Variants in E2F5 observed in about 807,000 individuals in gnomAD.
The protein encoded by E2F5 is transcription factor E2F5.
In E2F5, 23 loss-of-function variants were observed where a neutral mutation model predicts 39.1. The observed-to-expected ratio is 0.59, with a 90% CI of 0.42 to 0.83. The LOEUF (loss-of-function observed/expected upper bound fraction) is 0.83. E2F5 is among the 40% of genes least tolerant of loss of function. E2F5 has a pLI of 0.00. For missense variants in E2F5, 365 were observed against 406.7 expected (o/e 0.90, Z 0.88); for synonymous variants, 145 against 157.8 (o/e 0.92, Z 0.61).
intron 4 of E2F5, 60 bp from the exon 5 acceptor site, chr8:85,207,365 G>C: frequency 7.1e-7 from 1 of 1,410,256 alleles, no homozygotes; most frequent in Non-Finnish European, 9.7e-7. Flanking sequence ...CCACATTCTT[G>C]CCACTGTATT....
chr8:85,206,387 A>G (rs1314183967), intron 4 of E2F5, among the ~76,000 whole-genome samples, 167 bp downstream of exon 4: 1 of 152,146 alleles, frequency 6.6e-6, no homozygotes, highest in Admixed American at 6.5e-5. Context: ...TTCTGTTTTC[A>G]TGAGAATAGC....
chr8:85,202,330 T>A (rs1812714856), intron 2 of E2F5, 74 bp downstream of exon 2: 1 of 1,076,810 alleles, frequency 9.3e-7, no homozygotes, highest in African/African-American at 1.6e-5. Context: ...ACCTTCCCAA[T>A]GTTTCTATCT....
Position 85,213,951 on chromosome 8 carries a change from T to C in E2F5, c.*89T>C. On this transcript the variant is annotated 3_prime_UTR_variant, in exon 8 of 8. Transcript: ENST00000416274. The stretch of plus-strand genomic sequence containing the variant: ...ACCTAAATATTTAAAATAATGAATG[T>C]AACACCTTTTTTAGTTCACTGATTC... The C allele has an allele frequency of 1.3e-6, 1 of 750,162 alleles. No homozygotes were observed. Among genetic ancestry groups the C allele is most frequent in the Non-Finnish European group, 2.2e-6 (1 of 451,454 alleles). The allele number at this position is 750,162 out of a possible 1,614,324, so 46.5% of individuals were successfully genotyped here.
intron 1 of E2F5, among the ~76,000 whole-genome samples, chr8:85,180,506 CTATACATATATATATATATATA>C (rs1488024454): frequency 1.8e-4 from 11 of 62,474 alleles, no homozygotes; most frequent in Non-Finnish European, 2.6e-4. Flanking sequence ...GTTAAAGAAA[CTATACATATATATATATATATA>C]TATATATATA....
chr8:85,193,087 AAAAT>A (rs1812500024), intron 1 of E2F5, among the ~76,000 whole-genome samples: 1 of 152,244 alleles, frequency 6.6e-6, no homozygotes. Flanking sequence ...ATACATACAT[AAAAT>A]AAATGTTGGG....
intron 4 of E2F5, among the ~76,000 whole-genome samples, 166 bp from the exon 5 acceptor site, chr8:85,207,259 A>G (rs894496108): frequency 2.0e-5 from 3 of 152,216 alleles, no homozygotes; most frequent in Non-Finnish European, 2.9e-5. Context: ...AAATAAATCT[A>G]TGCAGTAGGT....
At chr8:85,211,486 T>G (rs4150969) in intron 6 of E2F5, among the ~76,000 whole-genome samples, 4 of 151,884 alleles carry the variant, frequency 2.6e-5, no homozygotes, top group Admixed American at 1.3e-4. Context: ...TGAGAAACAC[T>G]GTAGGCAAAA....
At chr8:85,192,445 A>G (rs1812485192) in intron 1 of E2F5, among the ~76,000 whole-genome samples, 1 of 152,196 alleles carries the variant, frequency 6.6e-6, no homozygotes, top group Non-Finnish European at 1.5e-5. Context: ...AAAGAGGAAC[A>G]AGAATGGAAC....
intron 1 of E2F5, among the ~76,000 whole-genome samples, chr8:85,197,523 A>G (rs1467393064): frequency 1.3e-5 from 2 of 152,172 alleles, no homozygotes; most frequent in African/African-American, 2.4e-5. Flanking sequence ...AGCATTGCAG[A>G]CTTTAATTTT....
chr8:85,212,050 A>T, intron 6 of E2F5, 107 bp from the exon 7 acceptor site: 1 of 829,182 alleles, frequency 1.2e-6, no homozygotes, highest in Non-Finnish European at 2.0e-6. Context: ...CTAGTACTTT[A>T]AATAAATGTG....
chr8:85,213,542 T>TAAA lies in E2F5; in HGVS notation c.932-194_932-192dup, dbSNP rs536955367. ...TGGACGAAACAGGGAGACTCCATCT[T>TAAA]AAAAAAAAAAAAAAAAAAAGAAAAA... is the stretch of plus-strand genomic sequence containing the variant. On this transcript the variant is annotated intron_variant, in intron 7 of 7. Transcript: ENST00000416274. The TAAA allele has an allele frequency of 5.0e-3, 605 of 121,150 alleles. 3 individuals are homozygous for TAAA. The highest frequency in any genetic ancestry group is 0.012 in the South Asian group (109 of 9,220). 7.5% of individuals were successfully genotyped at this position (121,150 alleles called of 1,614,324 possible).
rs1443029313 is a variant in E2F5 at position 85,214,251 on chromosome 8, G to A, written c.*389G>A. 5.4e-6 allele frequency: 3 copies of A among 553,876 alleles called. No individual in the cohort carries two copies. The highest frequency in any genetic ancestry group is 3.7e-5 in the African/African-American group (2 of 53,548). 34.3% of individuals were successfully genotyped at this position (553,876 alleles called of 1,614,324 possible). On this transcript the variant is annotated 3_prime_UTR_variant, in exon 8 of 8. Transcript: ENST00000416274. ...TATTTTTACTGCCACTAAACTGCCTGTATTTCTGTATGTCCTTCTATCCAA... is the reference window on the plus strand; with the variant it reads ...TATTTTTACTGCCACTAAACTGCCTATATTTCTGTATGTCCTTCTATCCAA...
Position 85,177,420 on chromosome 8 carries a change from G to A in E2F5, c.-1G>A, listed in dbSNP as rs1328174500. ...CCCGACCACCGCGGGGCCGGGACGC[G>A]ATGGCGGCGGCAGAGCCCGCGAGCT... On this transcript the variant is annotated 5_prime_UTR_variant, in exon 1 of 8. Transcript: ENST00000416274. 1.0e-5 allele frequency: 10 copies of A among 988,838 alleles called. No individual in the cohort carries two copies. Among genetic ancestry groups the A allele is most frequent in the Non-Finnish European group, 1.2e-5 (10 of 833,282 alleles). 61.3% of individuals were successfully genotyped at this position (988,838 alleles called of 1,614,324 possible).
Position 85,188,173 on chromosome 8 carries a change from T to C in E2F5, c.234+10519T>C, listed in dbSNP as rs553536098. Among the ~76,000 whole-genome samples the C allele has an allele frequency of 2.6e-5, 4 of 152,326 alleles. No individual in the cohort carries two copies. In the South Asian group the frequency reaches 6.2e-4, roughly 24 times the overall value. On this transcript the variant is annotated intron_variant, in intron 1 of 7. Coordinates refer to ENST00000416274, the MANE Select transcript of E2F5 (RefSeq NM_001951.4). ...TTGCAGCTACTATGATTTTTAATAG[T>C]TTTGTCTTTTAACTTTTACACAAAA...
intron 1 of E2F5, among the ~76,000 whole-genome samples, chr8:85,179,514 A>G (rs1812153783): frequency 6.6e-6 from 1 of 152,188 alleles, no homozygotes; most frequent in Admixed American, 6.5e-5. Context: ...TTCTACAATA[A>G]CACTGTCTCA....
intron 7 of E2F5, 74 bp downstream of exon 7, chr8:85,212,278 A>G: frequency 8.8e-7 from 1 of 1,130,884 alleles, no homozygotes; most frequent in Non-Finnish European, 1.3e-6. Context: ...AACATGATTT[A>G]AAAGAAATGA....
intron 1 of E2F5, among the ~76,000 whole-genome samples, chr8:85,180,094 C>A (rs923223712): frequency 2.6e-5 from 4 of 151,786 alleles, no homozygotes; most frequent in African/African-American, 9.7e-5. Flanking sequence ...GATCTCTGCT[C>A]ACTGCAACCT....
In E2F5 at chr8:85,183,017, C is replaced by T. The variant is rs557174278; in HGVS notation, c.234+5363C>T. Among the ~76,000 whole-genome samples, 8 of 152,152 alleles carry T rather than the reference C, an allele frequency of 5.3e-5. No individual in the cohort carries two copies. In the East Asian group the frequency reaches 7.7e-4, roughly 15 times the overall value. On this transcript the variant is annotated intron_variant, in intron 1 of 7. Transcript: ENST00000416274. ...CTGTAATCCCAGCACTTTGGGAGGC[C>T]GAGGCGGGCAGATCACGAGGTCGGG...
intron 1 of E2F5, among the ~76,000 whole-genome samples, chr8:85,198,751 A>G (rs1305710620): frequency 6.6e-6 from 1 of 152,118 alleles, no homozygotes; most frequent in East Asian, 1.9e-4. Flanking sequence ...CTCACCTCCT[A>G]TGTCAAACTA....
Sources: allele counts gnomAD v4.1 joint callset (sites outside exome capture counted in the v4.1 genomes callset), GRCh38; gene constraint gnomAD v4.1.1; transcripts MANE v1.5; gene names NCBI Gene and HGNC (gene_info 2026-07-23, HGNC 2026-07-21).